The following H3-3A variants were observed in gnomAD, a reference collection of about 807,000 sequenced individuals.
The protein encoded by H3-3A is histone H3.3.
For synonymous variants in H3-3A, 49 were observed against 61.4 expected, an observed-to-expected ratio of 0.80 and a Z score of 0.95; for missense variants, 7 against 184.0, an observed-to-expected ratio of 0.04 and a Z score of 5.57.
intron 3 of H3-3A, chr1:226,066,048 T>G: frequency 2.0e-6 from 1 of 503,460 alleles, no homozygotes. Flanking sequence ...CATTATACCA[T>G]TTAAAATTTT....
In H3-3A at chr1:226,064,387, C is replaced by G. The variant is rs1208208219; in HGVS notation, c.36C>G (p.Thr12=). Residue 12 remains threonine (T), a synonymous_variant, in exon 2 of 4, where the codon ACC becomes ACG. Coordinates refer to ENST00000366815, the MANE Select transcript of H3-3A (RefSeq NM_002107.7). The part of the protein sequence containing the change: ...ARTKQTARKS[T]GGKAPRKQLA... The stretch of plus-strand genomic sequence containing the variant: ...CAAAGCAGACTGCCCGCAAATCGAC[C>G]GGTGGTAAAGCACCCAGGAAGCAAC... 6.2e-7 allele frequency: 1 copy of G among 1,611,742 alleles called. No individual in the cohort carries two copies. The highest frequency in any genetic ancestry group is 8.5e-7 in the Non-Finnish European group (1 of 1,178,174).
chr1:226,070,365 G>A (rs1422929619), intron 3 of H3-3A, among the ~76,000 whole-genome samples: 4 of 152,138 alleles, frequency 2.6e-5, no homozygotes, highest in East Asian at 3.8e-4. Context: ...CGAGCTACTC[G>A]GGAGGCTGAG....
chr1:226,071,279 T>C, intron 3 of H3-3A, 72 bp from the exon 4 acceptor site: 2 of 1,263,144 alleles, frequency 1.6e-6, no homozygotes, highest in Non-Finnish European at 2.3e-6. Flanking sequence ...CCTTTTTGTT[T>C]TAATTCGTAT....
chr1:226,069,331 G>C (rs1469116464), intron 3 of H3-3A, among the ~76,000 whole-genome samples: 3 of 152,110 alleles, frequency 2.0e-5, no homozygotes, highest in Non-Finnish European at 4.4e-5. Context: ...ACAGGCGTGA[G>C]CCACCACGGC....
At chr1:226,069,891 C>T (rs963527474) in intron 3 of H3-3A, among the ~76,000 whole-genome samples, 1 of 152,200 alleles carries the variant, frequency 6.6e-6, no homozygotes, top group Non-Finnish European at 1.5e-5. Flanking sequence ...GATTCTTCAG[C>T]TTTTCAGACA....
chr1:226,069,765 AG>A, intron 3 of H3-3A, among the ~76,000 whole-genome samples: 1 of 152,292 alleles, frequency 6.6e-6, no homozygotes, highest in South Asian at 2.1e-4. Context: ...CGGGAGGTGG[AG>A]GTTGCAGTGA....
chr1:226,066,591 TCA>T (rs1325142120), intron 3 of H3-3A: 1 of 152,244 alleles, frequency 6.6e-6, no homozygotes, highest in African/African-American at 2.4e-5. Flanking sequence ...GTCATTAACA[TCA>T]GTCACTTAAG....
intron 3 of H3-3A, among the ~76,000 whole-genome samples, chr1:226,070,006 T>A (rs1232520764): frequency 2.0e-5 from 3 of 152,172 alleles, no homozygotes; most frequent in Non-Finnish European, 4.4e-5. Flanking sequence ...TACACTGTCA[T>A]TTTTAAGTGG....
At chr1:226,070,908 A>G (rs1658098325) in intron 3 of H3-3A, among the ~76,000 whole-genome samples, 1 of 152,236 alleles carries the variant, frequency 6.6e-6, no homozygotes, top group African/African-American at 2.4e-5. Context: ...ATGTTATACT[A>G]CTGGACAAGG....
At chr1:226,064,253 A>AG in intron 1 of H3-3A, 76 bp from the exon 2 acceptor site, 1 of 984,078 alleles carries the variant, frequency 1.0e-6, no homozygotes, top group South Asian at 1.4e-5. Context: ...AGATTTGGGG[A>AG]GGGGGTGATC....
In H3-3A at chr1:226,071,270, CT is replaced by C. The variant is rs1189833854; in HGVS notation, c.283-76del. ...TCATTTTTTTAAAGGGTTCAAAAAC[CT>C]TTTTGTTTTAATTCGTATAGTTGGG... On this transcript the variant is annotated intron_variant, in intron 3 of 3. Transcript: ENST00000366815. 15 of 1,167,826 alleles carry C rather than the reference CT, an allele frequency of 1.3e-5. No individual in the cohort carries two copies. The South Asian group carries it at 1.3e-4, about 10-fold the overall frequency. 72.3% of individuals were successfully genotyped at this position (1,167,826 alleles called of 1,614,324 possible). A position where few individuals can be genotyped will look rare whatever the true frequency, so the allele number is the denominator to read the frequency against.
chr1:226,068,519 T>A (rs550959334), intron 3 of H3-3A, among the ~76,000 whole-genome samples: 3 of 152,224 alleles, frequency 2.0e-5, no homozygotes, highest in Non-Finnish European at 1.5e-5. Context: ...ATAGCTGATA[T>A]GCGTTGTGAG....
chr1:226,064,375 C>T lies in H3-3A; in HGVS notation c.24C>T (p.Ala8=). 1 of 1,612,884 alleles carries T rather than the reference C, an allele frequency of 6.2e-7. No homozygotes were observed. The change falls in exon 2 of 4, where the codon GCC becomes GCT. Residue 8 remains alanine (A), a synonymous_variant. Coordinates refer to ENST00000366815, the MANE Select transcript of H3-3A (RefSeq NM_002107.7). ...CCATGGCTCGTACAAAGCAGACTGC[C>T]CGCAAATCGACCGGTGGTAAAGCAC... MARTKQT[A]RKSTGGKAPR... is the part of the protein sequence containing the mutation.
intron 3 of H3-3A, among the ~76,000 whole-genome samples, chr1:226,068,529 G>A (rs1381306721): frequency 6.6e-6 from 1 of 152,166 alleles, no homozygotes; most frequent in Admixed American, 6.5e-5. Context: ...TGCGTTGTGA[G>A]CCCCTAAGGA....
At chr1:226,063,913 G>GT in intron 1 of H3-3A, 1 of 133,048 alleles carries the variant, frequency 7.5e-6, no homozygotes, top group Non-Finnish European at 1.6e-5. Context: ...GGCAGCCAAA[G>GT]TGGGGGGGAG....
At position 226,062,717 on chromosome 1, in the gene H3-3A, T is replaced by C; in HGVS notation, c.-118T>C. ...GGGGATAGCCTCGGTGTCAGCCATC[T>C]TTCAATTGTGTTCGCAGCCGCCGCC... On this transcript the variant is annotated 5_prime_UTR_variant, in exon 1 of 4. Coordinates refer to ENST00000366815, the MANE Select transcript of H3-3A (RefSeq NM_002107.7). The C allele has an allele frequency of 6.2e-6, 1 of 161,964 alleles. No individual in the cohort carries two copies. The allele number at this position is 161,964 out of a possible 1,614,324, so 10.0% of individuals were successfully genotyped here.
At chr1:226,064,122 C>G (rs1657840678) in intron 1 of H3-3A, 1 of 418,444 alleles carries the variant, frequency 2.4e-6, no homozygotes, top group African/African-American at 2.1e-5. Context: ...GTGATTGATA[C>G]TGCTAACAAT....
chr1:226,066,586 T>A (rs189265172), intron 3 of H3-3A: 19 of 152,352 alleles, frequency 1.2e-4, no homozygotes, highest in Admixed American at 1.1e-3. Flanking sequence ...TAGACGTCAT[T>A]AACATCAGTC....
chr1:226,062,892 G>C (rs979971653), intron 1 of H3-3A, 81 bp downstream of exon 1: 1 of 154,052 alleles, frequency 6.5e-6, no homozygotes, highest in African/African-American at 2.4e-5. Context: ...GCGGTGCCGG[G>C]AGGGGACCCA....
Sources: gnomAD v4.1 joint callset for allele counts (sites outside exome capture counted in the v4.1 genomes callset) on GRCh38, gnomAD v4.1.1 for gene constraint, MANE v1.5 for transcripts, NCBI Gene and HGNC (gene_info 2026-07-23, HGNC 2026-07-21) for gene names.